Variants in IQCM observed in about 807,000 individuals in gnomAD.
IQCM encodes the protein IQ domain-containing protein M.
Under a neutral mutation model 57.6 loss-of-function variants are expected in IQCM, and 45 were observed. That is an observed-to-expected ratio of 0.78 (90% CI 0.62 to 1.00). The LOEUF (loss-of-function observed/expected upper bound fraction) is 1.00. Ranked by LOEUF, IQCM falls within the 50% of genes least tolerant of loss-of-function variation. The pLI, the probability that IQCM is intolerant of heterozygous loss-of-function variation, is 0.00. For missense variants in IQCM, 468 were observed against 511.6 expected (o/e 0.91, Z 0.82); for synonymous variants, 148 against 158.9 (o/e 0.93, Z 0.51).
chr4:149,554,047 A>C (rs1749298593), intron 10 of IQCM, among the ~76,000 whole-genome samples: 1 of 152,014 alleles, frequency 6.6e-6, no homozygotes, highest in Non-Finnish European at 1.5e-5. Context: ...TTTCTAAATA[A>C]TATTTAGATT....
chr4:149,815,386 C>A (rs939014606), intron 1 of IQCM, 38 bp from the exon 2 acceptor site: 1 of 151,842 alleles, frequency 6.6e-6, no homozygotes, highest in Non-Finnish European at 1.5e-5. Flanking sequence ...AATATGCTCA[C>A]AGCTTGTAAA....
chr4:149,556,042 C>T (rs1749550406), intron 10 of IQCM, among the ~76,000 whole-genome samples: 1 of 152,156 alleles, frequency 6.6e-6, no homozygotes, highest in East Asian at 1.9e-4. Context: ...TGGAAATATG[C>T]TTCAGCTATT....
intron 12 of IQCM, among the ~76,000 whole-genome samples, chr4:149,541,829 G>T (rs1003912147): frequency 2.0e-5 from 3 of 151,994 alleles, no homozygotes; most frequent in Admixed American, 6.6e-5. Flanking sequence ...ACTTGGTGTC[G>T]TACACTAAAG....
At chr4:149,698,709 A>T (rs1196038311) in intron 5 of IQCM, among the ~76,000 whole-genome samples, 1 of 152,118 alleles carries the variant, frequency 6.6e-6, no homozygotes, top group African/African-American at 2.4e-5. Flanking sequence ...AACCTTATAT[A>T]TTTCAGGAAT....
intron 12 of IQCM, among the ~76,000 whole-genome samples, chr4:149,475,163 T>C (rs940505886): frequency 5.3e-5 from 8 of 152,120 alleles, no homozygotes; most frequent in Non-Finnish European, 1.2e-4. Flanking sequence ...GTAATCCAGG[T>C]AAAAAGATGG....
chr4:149,518,068 T>C (rs1296342928), intron 12 of IQCM, among the ~76,000 whole-genome samples: 1 of 152,218 alleles, frequency 6.6e-6, no homozygotes, highest in African/African-American at 2.4e-5. Context: ...TTCGAGTCTC[T>C]GCTGGTGTCA....
chr4:149,705,169 A>AT (rs1764062722), intron 5 of IQCM, among the ~76,000 whole-genome samples: 1 of 146,934 alleles, frequency 6.8e-6, no homozygotes, highest in African/African-American at 2.5e-5. Flanking sequence ...AATATATAAA[A>AT]ATATATAAAA....
At chr4:149,385,196 T>C (rs1034900110) in intron 13 of IQCM, among the ~76,000 whole-genome samples, 2 of 152,124 alleles carry the variant, frequency 1.3e-5, no homozygotes, top group African/African-American at 4.8e-5. Flanking sequence ...ATATTCATAC[T>C]ATTAGGCACC....
intron 2 of IQCM, among the ~76,000 whole-genome samples, chr4:149,797,558 C>T (rs1190829503): frequency 6.6e-6 from 1 of 151,880 alleles, no homozygotes; most frequent in Non-Finnish European, 1.5e-5. Context: ...AGAGAGATAT[C>T]AATATTCAAG....
chr4:149,719,110 C>T (rs1765230121), intron 5 of IQCM, among the ~76,000 whole-genome samples: 3 of 151,798 alleles, frequency 2.0e-5, no homozygotes, highest in East Asian at 2.0e-4. Flanking sequence ...TTTGGGAGGC[C>T]GAGGTGGGCA....
intron 13 of IQCM, among the ~76,000 whole-genome samples, chr4:149,417,336 T>C (rs1733814571): frequency 6.6e-6 from 1 of 152,116 alleles, no homozygotes. Flanking sequence ...TCCCTGGAGA[T>C]CTATCTGCAT....
chr4:149,520,012 AC>A (rs1297331106), intron 12 of IQCM, among the ~76,000 whole-genome samples: 5 of 152,172 alleles, frequency 3.3e-5, no homozygotes, highest in African/African-American at 9.7e-5. Flanking sequence ...CTCAAAGAAA[AC>A]AAAAACAAAA....
chr4:149,445,059 A>AGGT (rs1736355601), intron 12 of IQCM, among the ~76,000 whole-genome samples: 1 of 151,936 alleles, frequency 6.6e-6, no homozygotes, highest in Non-Finnish European at 1.5e-5. Flanking sequence ...CATAGTTACA[A>AGGT]TATTCATTAT....
At chr4:149,442,167 C>G (rs1027933297) in intron 12 of IQCM, among the ~76,000 whole-genome samples, 11 of 152,126 alleles carry the variant, frequency 7.2e-5, no homozygotes, top group African/African-American at 2.2e-4. Flanking sequence ...TTATTCTTTT[C>G]AAAGAGCCTT....
Position 149,542,120 on chromosome 4 carries a change from T to A in IQCM, c.1228+6335A>T, listed in dbSNP as rs567826561. 1.4e-4 allele frequency among the ~76,000 whole-genome samples: 22 copies of A among 152,206 alleles called. No homozygotes were observed. In the South Asian group the frequency reaches 4.3e-3, roughly 30 times the overall value. On this transcript the variant is annotated intron_variant, in intron 12 of 13. Coordinates refer to ENST00000636793, the MANE Select transcript of IQCM (RefSeq NM_001363507.2). ...TCCTCCATTTTAAATTAAATCTTCT[T>A]ATGCATCAAAAAGTGTTGTAGCTGG...
At chr4:149,505,374 T>G (rs1268682901) in intron 12 of IQCM, among the ~76,000 whole-genome samples, 1 of 152,216 alleles carries the variant, frequency 6.6e-6, no homozygotes, top group Non-Finnish European at 1.5e-5. Flanking sequence ...ATAGTTACAT[T>G]GTATTGACGA....
At chr4:149,373,178 T>C (rs564775618) in intron 13 of IQCM, among the ~76,000 whole-genome samples, 130 of 152,278 alleles carry the variant, frequency 8.5e-4, no homozygotes, top group African/African-American at 2.7e-3. Context: ...TCACTTTATA[T>C]GTTATTTTAT....
chr4:149,675,430 G>A (rs2150188548), intron 7 of IQCM, among the ~76,000 whole-genome samples: 1 of 152,042 alleles, frequency 6.6e-6, no homozygotes, highest in East Asian at 1.9e-4. Context: ...CCACCTGAAA[G>A]GGTGGCAGGG....
chr4:149,789,381 G>T (rs948449602), intron 2 of IQCM, among the ~76,000 whole-genome samples: 1 of 152,130 alleles, frequency 6.6e-6, no homozygotes, highest in African/African-American at 2.4e-5. Context: ...AAAACATACT[G>T]CCATTTGTAC....
Sources: gnomAD v4.1 joint callset for allele counts (sites outside exome capture counted in the v4.1 genomes callset) on GRCh38, gnomAD v4.1.1 for gene constraint, MANE v1.5 for transcripts, NCBI Gene and HGNC (gene_info 2026-07-23, HGNC 2026-07-21) for gene names.